The following TXNDC8 variants were observed in gnomAD, a reference collection of about 807,000 sequenced individuals.
TXNDC8 encodes the protein thioredoxin domain-containing protein 8.
Under a neutral mutation model 12.9 loss-of-function variants are expected in TXNDC8, and 15 were observed. The ratio of observed to expected loss-of-function variants is 1.16; its 90% CI spans 0.78 to 1.79. TXNDC8 has a LOEUF of 1.79. TXNDC8 is among the 40% of genes most tolerant of loss of function. The pLI is 0.00. For missense variants in TXNDC8, 128 were observed against 113.2 expected (o/e 1.13, Z -0.59); for synonymous variants, 40 against 35.4 (o/e 1.13, Z -0.46).
rs146135369 is a variant in TXNDC8, at chr9:110,334,278, C to G, written c.67G>C (p.Ala23Pro). ...CGTTTCGAAGAAAATTGAACCACTG[C>G]GAGTTTGTGTCCGGCAGCTGTCAAA... The change falls in exon 2 of 5, where the codon GCA (alanine) becomes CCA (proline). Residue 23 changes from alanine (A) to proline (P), a missense_variant. Transcript: ENST00000423740. 6.2e-7 allele frequency: 1 copy of G among 1,613,690 alleles called. No individual in the cohort carries two copies. The highest frequency in any genetic ancestry group is 8.5e-7 in the Non-Finnish European group (1 of 1,179,804).
chr9:110,309,763 C>A (rs1838594964), intron 3 of TXNDC8, among the ~76,000 whole-genome samples: 1 of 152,160 alleles, frequency 6.6e-6, no homozygotes, highest in South Asian at 2.1e-4. Context: ...AGGGTAGAAA[C>A]AACTCAGTGG....
intron 2 of TXNDC8, among the ~76,000 whole-genome samples, chr9:110,331,353 TCTTTAA>T (rs1214025634): frequency 2.0e-5 from 3 of 152,124 alleles, no homozygotes; most frequent in African/African-American, 7.2e-5. Context: ...TGTTGGTGGT[TCTTTAA>T]CTCCCAATCA....
At chr9:110,325,901 G>T (rs1000688951) in intron 3 of TXNDC8, among the ~76,000 whole-genome samples, 2 of 152,188 alleles carry the variant, frequency 1.3e-5, no homozygotes, top group African/African-American at 4.8e-5. Context: ...CCCCAGTGTA[G>T]AGATAATAGT....
At chr9:110,330,872 C>T (rs1839517622) in intron 2 of TXNDC8, among the ~76,000 whole-genome samples, 1 of 152,100 alleles carries the variant, frequency 6.6e-6, no homozygotes, top group African/African-American at 2.4e-5. Context: ...TCAATCACTT[C>T]TTAAAACCCA....
chr9:110,305,600 TTCTTTCTTTC>T (rs1838421342), intron 3 of TXNDC8, among the ~76,000 whole-genome samples: 1 of 132,310 alleles, frequency 7.6e-6, no homozygotes, highest in African/African-American at 3.7e-5. Context: ...CTTTCTTTCT[TTCTTTCTTTC>T]TTTTTCTTCC....
intron 3 of TXNDC8, among the ~76,000 whole-genome samples, chr9:110,322,011 T>C (rs1334142379): frequency 6.6e-6 from 1 of 152,226 alleles, no homozygotes; most frequent in Non-Finnish European, 1.5e-5. Flanking sequence ...TTTGTATCTT[T>C]TGCATAGAAA....
intron 3 of TXNDC8, among the ~76,000 whole-genome samples, chr9:110,307,519 T>C (rs1267697944): frequency 6.6e-6 from 1 of 152,190 alleles, no homozygotes; most frequent in African/African-American, 2.4e-5. Flanking sequence ...TGAAGAGAGA[T>C]GTATGCAAGG....
At chr9:110,315,990 C>T (rs1048116530) in intron 3 of TXNDC8, among the ~76,000 whole-genome samples, 3 of 151,810 alleles carry the variant, frequency 2.0e-5, no homozygotes, top group Non-Finnish European at 4.4e-5. Context: ...CTCCGCCTCC[C>T]GGGTCCAGGT....
chr9:110,319,265 C>A (rs1003407344), intron 3 of TXNDC8, among the ~76,000 whole-genome samples: 3 of 152,198 alleles, frequency 2.0e-5, no homozygotes, highest in Non-Finnish European at 2.9e-5. Flanking sequence ...CCCCTGAATG[C>A]TAAGATGACT....
chr9:110,334,884 G>GT (rs869178538), intron 1 of TXNDC8, among the ~76,000 whole-genome samples: 15 of 137,404 alleles, frequency 1.1e-4, no homozygotes, highest in African/African-American at 4.3e-4. Flanking sequence ...GTAATTTCTT[G>GT]TTTTTTGGGG....
At chr9:110,315,898 T>G (rs2118770613) in intron 3 of TXNDC8, among the ~76,000 whole-genome samples, 1 of 151,962 alleles carries the variant, frequency 6.6e-6, no homozygotes, top group Non-Finnish European at 1.5e-5. Context: ...CAATATAATT[T>G]CTTTTTTCTT....
At chr9:110,320,856 G>A (rs1385800569) in intron 3 of TXNDC8, among the ~76,000 whole-genome samples, 1 of 152,194 alleles carries the variant, frequency 6.6e-6, no homozygotes, top group Non-Finnish European at 1.5e-5. Flanking sequence ...ATGGTGTGAT[G>A]TCCTAGATGA....
At chr9:110,307,396 C>T (rs1838509276) in intron 3 of TXNDC8, among the ~76,000 whole-genome samples, 1 of 152,144 alleles carries the variant, frequency 6.6e-6, no homozygotes. Flanking sequence ...AGAAATGTTA[C>T]ATTCGTGTCT....
At chr9:110,333,910 T>C (rs756665957) in intron 2 of TXNDC8, among the ~76,000 whole-genome samples, 11 of 152,260 alleles carry the variant, frequency 7.2e-5, no homozygotes, top group Non-Finnish European at 8.8e-5. Flanking sequence ...TTCTGAACTC[T>C]TGAAACTTTG....
Position 110,323,876 on chromosome 9 carries a change from A to G in TXNDC8, c.195+2299T>C, listed in dbSNP as rs764714501. ...GTGATATCAAAGGAGAAGGTTATTT[A>G]CCTAGCTGCTTAAGCAAAGTCCTGA... On this transcript the variant is annotated intron_variant, in intron 3 of 4. Coordinates refer to ENST00000423740, the MANE Select transcript of TXNDC8 (RefSeq NM_001286946.2). The G allele has an allele frequency of 1.7e-5, 27 of 1,550,488 alleles. No homozygotes were observed. In the African/African-American group the frequency reaches 3.6e-4, roughly 20 times the overall value.
intron 3 of TXNDC8, among the ~76,000 whole-genome samples, chr9:110,314,420 T>C (rs1838799364): frequency 6.8e-6 from 1 of 146,030 alleles, no homozygotes; most frequent in Non-Finnish European, 1.5e-5. Flanking sequence ...TCTTTTTTTC[T>C]TTTTCTTTTT....
chr9:110,307,532 A>G lies in TXNDC8; in HGVS notation c.196-3000T>C, dbSNP rs530072082. On this transcript the variant is annotated intron_variant, in intron 3 of 4. Transcript: ENST00000423740. ...TTTGAAGAGAGATGTATGCAAGGCA[A>G]ATAGTTTAATTTCTGCCCAAAGTGT... Among the ~76,000 whole-genome samples, 7 of 152,334 alleles carry G rather than the reference A, an allele frequency of 4.6e-5. No homozygotes were observed. The South Asian group carries it at 1.4e-3, about 32-fold the overall frequency.
rs931875040 is a variant in TXNDC8 at position 110,321,292 on chromosome 9, A to C, written c.195+4883T>G. ...GGCAATCCTGAGATTCTTGGCGGCC[A>C]TGGCAAAAAGAGAAGCCCAAGGGAT... On this transcript the variant is annotated intron_variant, in intron 3 of 4. Coordinates refer to ENST00000423740, the MANE Select transcript of TXNDC8 (RefSeq NM_001286946.2). 2.0e-5 allele frequency among the ~76,000 whole-genome samples: 3 copies of C among 152,298 alleles called. No individual in the cohort carries two copies. In the East Asian group the frequency reaches 5.8e-4, roughly 29 times the overall value.
chr9:110,326,940 G>GCACACTCA (rs1839344138), intron 2 of TXNDC8, among the ~76,000 whole-genome samples: 1 of 142,922 alleles, frequency 7.0e-6, no homozygotes, highest in Non-Finnish European at 1.5e-5. Context: ...TGCTACTCAT[G>GCACACTCA]CACACACACA....
Sources: allele counts gnomAD v4.1 joint callset (sites outside exome capture counted in the v4.1 genomes callset), GRCh38; gene constraint gnomAD v4.1.1; transcripts MANE v1.5; gene names NCBI Gene and HGNC (gene_info 2026-07-23, HGNC 2026-07-21).